Variants in SLC15A1 observed in about 807,000 individuals in gnomAD.
SLC15A1 encodes Caco-2 oligopeptide transporter.
A neutral mutation model predicts 92.9 loss-of-function variants in SLC15A1; 83 were observed. That is an observed-to-expected ratio of 0.89 (90% confidence interval 0.75 to 1.07). The LOEUF is 1.07. Ranked by LOEUF, SLC15A1 falls within the 50% of genes least tolerant of loss-of-function variation. The pLI is 0.00. For missense variants in SLC15A1, 857 were observed against 880.1 expected, an observed-to-expected ratio of 0.97 and a Z score of 0.33; for synonymous variants, 322 against 318.2, an observed-to-expected ratio of 1.01 and a Z score of -0.13.
intron 16 of SLC15A1, among the ~76,000 whole-genome samples, chr13:98,705,239 C>T (rs955336875): frequency 6.8e-6 from 1 of 146,270 alleles, no homozygotes; most frequent in African/African-American, 2.5e-5. Flanking sequence ...GGGGCTGGGA[C>T]CCAGGTATCA....
At chr13:98,715,995 A>T (rs2088209098) in intron 8 of SLC15A1, 35 bp from the exon 9 acceptor site, 1 of 1,585,918 alleles carries the variant, frequency 6.3e-7, no homozygotes, top group African/African-American at 1.3e-5. Context: ...TCAGCAAAGC[A>T]TGTGACCGAG....
chr13:98,716,116 C>T (rs543658416), intron 8 of SLC15A1, among the ~76,000 whole-genome samples, 156 bp from the exon 9 acceptor site: 2 of 152,292 alleles, frequency 1.3e-5, no homozygotes, highest in Admixed American at 1.3e-4. Flanking sequence ...TTAGAAAGTG[C>T]TTTTAACTCT....
rs2139580508 is a variant in SLC15A1, at chr13:98,709,733, G to A, written c.978+9C>T. 6.2e-7 allele frequency: 1 copy of A among 1,614,192 alleles called. No homozygotes were observed. The highest frequency in any genetic ancestry group is 8.5e-7 in the Non-Finnish European group (1 of 1,180,034). On this transcript the variant is annotated intron_variant, in intron 13 of 22. Transcript: ENST00000376503. ...TCTGATCCCTGAAAGCAACTTACATGTCTTCTACCTGCATCTGATCGGGCT... is the reference window on the plus strand; with the variant it reads ...TCTGATCCCTGAAAGCAACTTACATATCTTCTACCTGCATCTGATCGGGCT...
intron 1 of SLC15A1, among the ~76,000 whole-genome samples, chr13:98,737,541 C>A (rs371044903): frequency 2.0e-5 from 3 of 152,130 alleles, no homozygotes; most frequent in East Asian, 3.8e-4. Context: ...CCTCCCCTCA[C>A]GCCTGCTTTT....
At chr13:98,747,240 C>T (rs1253529203) in intron 1 of SLC15A1, among the ~76,000 whole-genome samples, 1 of 152,218 alleles carries the variant, frequency 6.6e-6, no homozygotes, top group Non-Finnish European at 1.5e-5. Context: ...TCACTGTCCT[C>T]AAGGAAGAAT....
At position 98,701,667 on chromosome 13, in the gene SLC15A1, ATTTT is replaced by A. The variant is rs34078820; in HGVS notation, c.1466+809_1466+812del. 2.1e-3 allele frequency among the ~76,000 whole-genome samples: 247 copies of A among 115,552 alleles called. 1 individual carries two copies. The highest frequency in any genetic ancestry group is 7.6e-3 in the African/African-American group (225 of 29,800). The allele number at this position is 115,552 out of a possible 152,430, so 75.8% of individuals were successfully genotyped here. On this transcript the variant is annotated intron_variant, in intron 18 of 22. Transcript: ENST00000376503. ...AGGCACACACCACCATACTCAGCTA[ATTTT>A]TTTTTTTTTTTTTTTTTGAGACAGA... is the stretch of plus-strand genomic sequence containing the variant.
At chr13:98,688,188 G>C in intron 20 of SLC15A1, 60 bp downstream of exon 20, 1 of 1,107,378 alleles carries the variant, frequency 9.0e-7, no homozygotes, top group Non-Finnish European at 1.4e-6. Flanking sequence ...AAGTGTTTGT[G>C]AGTCTTCATA....
At chr13:98,723,271 G>A (rs530032424) in intron 5 of SLC15A1, among the ~76,000 whole-genome samples, 2 of 152,306 alleles carry the variant, frequency 1.3e-5, no homozygotes, top group Admixed American at 6.5e-5. Context: ...AGCCAGCAGT[G>A]TGGGGATTGC....
chr13:98,706,326 G>C, intron 15 of SLC15A1, 73 bp from the exon 16 acceptor site: 2 of 1,553,714 alleles, frequency 1.3e-6, no homozygotes, highest in Admixed American at 2.0e-5. Flanking sequence ...CCCTGACAAG[G>C]GGGTGCTTTC....
intron 11 of SLC15A1, 116 bp downstream of exon 11, chr13:98,711,738 A>G: frequency 1.5e-6 from 1 of 674,060 alleles, no homozygotes; most frequent in South Asian, 2.0e-5. Flanking sequence ...TGAAATATAA[A>G]TAAGAAACTG....
At chr13:98,751,316 C>T (rs901009315) in intron 1 of SLC15A1, among the ~76,000 whole-genome samples, 1 of 152,222 alleles carries the variant, frequency 6.6e-6, no homozygotes, top group African/African-American at 2.4e-5. Flanking sequence ...TGTATTCCTT[C>T]ACCAATAACC....
chr13:98,731,745 T>C (rs1292580383), intron 1 of SLC15A1, among the ~76,000 whole-genome samples: 2 of 152,198 alleles, frequency 1.3e-5, no homozygotes, highest in Non-Finnish European at 2.9e-5. Context: ...TTGTACCTGT[T>C]ATTTGCTTAA....
intron 1 of SLC15A1, among the ~76,000 whole-genome samples, chr13:98,743,849 G>A (rs1197934813): frequency 6.6e-6 from 1 of 152,100 alleles, no homozygotes. Flanking sequence ...AGAGAAGAGA[G>A]ACCCTTCCTC....
At chr13:98,701,798 G>A (rs1379234247) in intron 18 of SLC15A1, among the ~76,000 whole-genome samples, 1 of 151,514 alleles carries the variant, frequency 6.6e-6, no homozygotes, top group Non-Finnish European at 1.5e-5. Flanking sequence ...AGCCTCCCGA[G>A]TAGCTGGGAT....
rs776508439 is a variant in SLC15A1, at chr13:98,706,141, A to G, written c.1262T>C (p.Met421Thr). ...LPGEMVTLGP[M>T]SQTNAFMTFD... is the part of the protein sequence containing the mutation. ...CAATTTCCTTCTACTTACTTGAGAC[A>G]TTGGGCCAAGTGTCACCATCTCTCC... is the stretch of plus-strand genomic sequence containing the variant. The change falls in exon 16 of 23, where the codon ATG becomes ACG. Residue 421 changes from methionine (M) to threonine (T), a missense_variant. Met to Thr is a moderately conservative substitution (Grantham distance 81, BLOSUM62 -1). Transcript: ENST00000376503. The G allele has an allele frequency of 6.2e-7, 1 of 1,609,044 alleles. No homozygotes were observed. The highest frequency in any genetic ancestry group is 8.5e-7 in the Non-Finnish European group (1 of 1,178,986).
intron 1 of SLC15A1, among the ~76,000 whole-genome samples, chr13:98,731,130 G>T (rs2088347409): frequency 6.6e-6 from 1 of 152,180 alleles, no homozygotes; most frequent in African/African-American, 2.4e-5. Context: ...CAGGGAGGCT[G>T]CTGCAGGCCC....
intron 18 of SLC15A1, among the ~76,000 whole-genome samples, chr13:98,693,086 CGTT>C (rs2087994115): frequency 8.9e-6 from 1 of 111,834 alleles, no homozygotes; most frequent in African/African-American, 3.9e-5. Context: ...TTATTGTCTA[CGTT>C]TTTTTTTTTT....
chr13:98,751,613 C>T (rs2088547318), intron 1 of SLC15A1, among the ~76,000 whole-genome samples: 1 of 152,218 alleles, frequency 6.6e-6, no homozygotes. Context: ...CAACTGGCTA[C>T]AATTAGAAGT....
chr13:98,716,702 A>C lies in SLC15A1; in HGVS notation c.641-742T>G, dbSNP rs183002554. Reference sequence around the variant, plus strand: ...AGAAACCTTTTTCTTTCTCTTTTTAATATTCAGGAAAAAAGAATTAATCTT... The same window carrying C: ...AGAAACCTTTTTCTTTCTCTTTTTACTATTCAGGAAAAAAGAATTAATCTT... On this transcript the variant is annotated intron_variant, in intron 8 of 22. Coordinates refer to ENST00000376503, the MANE Select transcript of SLC15A1 (RefSeq NM_005073.4). Among the ~76,000 whole-genome samples, 195 of 152,314 alleles carry C rather than the reference A, an allele frequency of 1.3e-3. 1 individual carries two copies. Among genetic ancestry groups the C allele is most frequent in the Non-Finnish European group, 6.2e-4 (42 of 68,024 alleles).
Sources: gnomAD v4.1 joint callset for allele counts (sites outside exome capture counted in the v4.1 genomes callset) on GRCh38, gnomAD v4.1.1 for gene constraint, MANE v1.5 for transcripts, NCBI Gene and HGNC (gene_info 2026-07-23, HGNC 2026-07-21) for gene names.